NCOA7: variants seen among roughly 807,000 people sequenced by gnomAD.
NCOA7 encodes nuclear receptor coactivator 7.
A neutral mutation model predicts 104.3 loss-of-function variants in NCOA7; 45 were observed. That is an observed-to-expected ratio of 0.43 (90% CI 0.34 to 0.55). The LOEUF (loss-of-function observed/expected upper bound fraction) is 0.55, where lower values mean the gene tolerates loss of function less well. NCOA7 is among the 20% of genes least tolerant of loss of function. The pLI, the probability that NCOA7 is intolerant of heterozygous loss-of-function variation, is 0.02. For missense variants in NCOA7, 1,041 were observed against 1,119.7 expected, an observed-to-expected ratio of 0.93 and a Z score of 1.00; for synonymous variants, 398 against 402.3, an observed-to-expected ratio of 0.99 and a Z score of 0.13.
At chr6:125,890,115 C>A in intron 9 of NCOA7, 134 bp downstream of exon 9, 1 of 655,692 alleles carries the variant, frequency 1.5e-6, no homozygotes, top group Non-Finnish European at 2.3e-6. Flanking sequence ...TTGCTGATAG[C>A]ATTAACAATT....
intron 1 of NCOA7, chr6:125,798,245 G>A (rs1775528477): frequency 1.3e-5 from 2 of 152,206 alleles, no homozygotes; most frequent in South Asian, 4.1e-4. Context: ...TAGTAGAAAG[G>A]TTAAAAGCAG....
chr6:125,792,654 C>T (rs773399956), intron 1 of NCOA7, among the ~76,000 whole-genome samples: 1 of 151,922 alleles, frequency 6.6e-6, no homozygotes, highest in Admixed American at 6.6e-5. Flanking sequence ...TATAGATACA[C>T]AATTTAAACT....
chr6:125,872,627 A>G (rs1203817065), intron 3 of NCOA7, among the ~76,000 whole-genome samples: 2 of 152,258 alleles, frequency 1.3e-5, no homozygotes, highest in East Asian at 1.9e-4. Flanking sequence ...TACCACATAA[A>G]CAAAGCAAAA....
chr6:125,801,761 CA>C (rs1259460193), intron 1 of NCOA7, among the ~76,000 whole-genome samples: 2 of 152,170 alleles, frequency 1.3e-5, no homozygotes, highest in African/African-American at 4.8e-5. Flanking sequence ...TCTATCACTA[CA>C]TGGCCATCTT....
intron 10 of NCOA7, among the ~76,000 whole-genome samples, chr6:125,900,224 G>A (rs953358845): frequency 6.6e-5 from 10 of 152,120 alleles, no homozygotes; most frequent in Admixed American, 6.5e-5. Context: ...AAAGGAAGCC[G>A]AAATATCGAT....
intron 10 of NCOA7, chr6:125,913,519 C>A: frequency 2.2e-6 from 1 of 451,000 alleles, no homozygotes; most frequent in Non-Finnish European, 2.9e-6. Context: ...CAAGTTGAAA[C>A]ATAACCATCA....
chr6:125,886,523 A>G (rs1041592073), intron 8 of NCOA7, among the ~76,000 whole-genome samples: 7 of 152,246 alleles, frequency 4.6e-5, no homozygotes, highest in African/African-American at 1.7e-4. Flanking sequence ...CTCGATTACA[A>G]GGGATAATGC....
At chr6:125,911,976 T>C (rs1028411238) in intron 10 of NCOA7, among the ~76,000 whole-genome samples, 5 of 152,246 alleles carry the variant, frequency 3.3e-5, no homozygotes, top group Non-Finnish European at 5.9e-5. Flanking sequence ...GGCATGCCGT[T>C]GCTGAAACAT....
At chr6:125,831,347 C>T (rs946254421) in intron 2 of NCOA7, among the ~76,000 whole-genome samples, 1 of 152,068 alleles carries the variant, frequency 6.6e-6, no homozygotes, top group African/African-American at 2.4e-5. Context: ...TATAGTGGTT[C>T]CTAGAAGTCA....
At chr6:125,914,408 A>G (rs180686337) in intron 10 of NCOA7, among the ~76,000 whole-genome samples, 7 of 152,354 alleles carry the variant, frequency 4.6e-5, no homozygotes, top group Non-Finnish European at 7.3e-5. Flanking sequence ...AGGAATGTAG[A>G]AACCTTAAAA....
intron 2 of NCOA7, among the ~76,000 whole-genome samples, chr6:125,849,323 A>C (rs1288750955): frequency 6.6e-6 from 1 of 152,240 alleles, no homozygotes; most frequent in African/African-American, 2.4e-5. Flanking sequence ...AATATAAAAA[A>C]GCCAAGAGAT....
intron 2 of NCOA7, among the ~76,000 whole-genome samples, chr6:125,826,776 A>G (rs921731803): frequency 6.6e-6 from 1 of 152,090 alleles, no homozygotes; most frequent in East Asian, 1.9e-4. Flanking sequence ...AGACTGGGTA[A>G]TTTACAATGA....
chr6:125,795,587 T>A (rs1184646111), intron 1 of NCOA7, among the ~76,000 whole-genome samples: 2 of 152,228 alleles, frequency 1.3e-5, no homozygotes, highest in Non-Finnish European at 2.9e-5. Context: ...TGCCTCTGTT[T>A]GGCTCCTTAG....
At chr6:125,849,965 G>C (rs978174609) in intron 2 of NCOA7, among the ~76,000 whole-genome samples, 6 of 152,024 alleles carry the variant, frequency 3.9e-5, no homozygotes, top group African/African-American at 1.4e-4. Context: ...TGAAATAATG[G>C]GAGTTCATTT....
intron 9 of NCOA7, 84 bp downstream of exon 9, chr6:125,890,065 C>T (rs1784522682): frequency 9.8e-7 from 1 of 1,018,878 alleles, no homozygotes; most frequent in African/African-American, 1.6e-5. Context: ...CACATTAGTA[C>T]ATTTATTTGA....
rs1317501773 is a variant in NCOA7 at position 125,931,109 on chromosome 6, T to C, written c.*2338T>C. On this transcript the variant is annotated 3_prime_UTR_variant, in exon 16 of 16. Transcript: ENST00000392477. ...TCAATAAAGGACTTTATGCATTCAG[T>C]GATTTTCTTTCCCAAAGATTCATTC... The C allele has an allele frequency of 6.6e-6, 1 of 152,638 alleles. No homozygotes were observed. Among genetic ancestry groups the C allele is most frequent in the Non-Finnish European group, 1.5e-5 (1 of 68,040 alleles). The allele number at this position is 152,638 out of a possible 1,614,324, so 9.5% of individuals were successfully genotyped here.
intron 1 of NCOA7, among the ~76,000 whole-genome samples, chr6:125,812,349 C>T (rs1777103937): frequency 6.6e-6 from 1 of 152,136 alleles, no homozygotes; most frequent in Non-Finnish European, 1.5e-5. Flanking sequence ...TGGATTCTTA[C>T]TTAGTATTAT....
At chr6:125,848,136 A>G (rs1780786991) in intron 2 of NCOA7, among the ~76,000 whole-genome samples, 1 of 152,246 alleles carries the variant, frequency 6.6e-6, no homozygotes, top group African/African-American at 2.4e-5. Flanking sequence ...CGATCATTAA[A>G]AAGTCAGGAA....
At chr6:125,922,582 T>A in intron 12 of NCOA7, 100 bp from the exon 13 acceptor site, 1 of 1,375,404 alleles carries the variant, frequency 7.3e-7, no homozygotes, top group Non-Finnish European at 1.0e-6. Flanking sequence ...TGTGAGTGTA[T>A]GATACTGAGT....
Sources: allele counts gnomAD v4.1 joint callset (sites outside exome capture counted in the v4.1 genomes callset), GRCh38; gene constraint gnomAD v4.1.1; transcripts MANE v1.5; gene names NCBI Gene and HGNC (gene_info 2026-07-23, HGNC 2026-07-21).